Variants in PCSK2 observed in about 807,000 individuals in gnomAD.
PCSK2 encodes neuroendocrine convertase 2.
Under a neutral mutation model 69.7 loss-of-function variants are expected in PCSK2, and 14 were observed. That is an observed-to-expected ratio of 0.20 (90% CI 0.13 to 0.31). The LOEUF is 0.31. Ranked by LOEUF, PCSK2 falls within the 10% of genes least tolerant of loss-of-function variation. The probability of loss-of-function intolerance (pLI) is 1.00; values close to 1 mark genes in which losing one functional copy is unlikely to be tolerated. For synonymous variants in PCSK2, 307 were observed against 320.7 expected (o/e 0.96, Z 0.46); for missense variants, 544 against 842.5 (o/e 0.65, Z 4.39).
At chr20:17,304,947 A>G (rs1008495978) in intron 2 of PCSK2, among the ~76,000 whole-genome samples, 1 of 152,150 alleles carries the variant, frequency 6.6e-6, no homozygotes, top group African/African-American at 2.4e-5. Flanking sequence ...TGCTACGGTT[A>G]AGCCCACCTC....
rs41276382 is a variant in PCSK2, at chr20:17,436,910, G to T, written c.885+27G>T. On this transcript the variant is annotated intron_variant, in intron 8 of 11. Transcript: ENST00000262545. The stretch of plus-strand genomic sequence containing the variant: ...TAAGGGGGCCGGCCCCCTAGGCCCC[G>T]GCCACTCACAAGTTGGGACAAAGTG... 3.8e-6 allele frequency: 6 copies of T among 1,565,278 alleles called. No homozygotes were observed. In the African/African-American group the frequency reaches 6.8e-5, roughly 18 times the overall value.
chr20:17,442,804 T>G (rs1320637712), intron 8 of PCSK2, among the ~76,000 whole-genome samples: 1 of 152,188 alleles, frequency 6.6e-6, no homozygotes, highest in Non-Finnish European at 1.5e-5. Flanking sequence ...GGGAGCTGGT[T>G]GTTAAACATT....
At position 17,430,226 on chromosome 20, in the gene PCSK2, G is replaced by C. The variant is rs74607240; in HGVS notation, c.709+703G>C. 2.8e-4 allele frequency among the ~76,000 whole-genome samples: 43 copies of C among 152,264 alleles called. No individual in the cohort carries two copies. In the South Asian group the frequency reaches 2.9e-3, roughly 10 times the overall value. ...CCCTCCCCTCTCAGAAAAAAAAAGA[G>C]AGAGAGACACAGACAGAGACAGAGA... On this transcript the variant is annotated intron_variant, in intron 7 of 11. Transcript: ENST00000262545.
chr20:17,382,221 T>G (rs572657997), intron 5 of PCSK2, among the ~76,000 whole-genome samples: 1 of 152,226 alleles, frequency 6.6e-6, no homozygotes, highest in African/African-American at 2.4e-5. Context: ...TTCTGTGGAA[T>G]AGCAGGAGTG....
chr20:17,273,068 G>A (rs1473403248), intron 2 of PCSK2, among the ~76,000 whole-genome samples: 1 of 151,994 alleles, frequency 6.6e-6, no homozygotes, highest in Non-Finnish European at 1.5e-5. Flanking sequence ...AAAATCAATG[G>A]GTAATTGTTA....
intron 5 of PCSK2, among the ~76,000 whole-genome samples, chr20:17,405,468 C>T (rs574694223): frequency 6.6e-6 from 1 of 152,322 alleles, no homozygotes; most frequent in Admixed American, 6.5e-5. Context: ...GAGCTCTCAC[C>T]TCTCTCATCA....
chr20:17,381,572 C>T (rs1238781012), intron 5 of PCSK2, among the ~76,000 whole-genome samples: 1 of 152,142 alleles, frequency 6.6e-6, no homozygotes, highest in African/African-American at 2.4e-5. Flanking sequence ...CCCTCAGTTT[C>T]CCCATCTATA....
chr20:17,349,078 A>C (rs960037937), intron 2 of PCSK2, among the ~76,000 whole-genome samples: 1 of 152,210 alleles, frequency 6.6e-6, no homozygotes, highest in Non-Finnish European at 1.5e-5. Context: ...GGCACTGCCC[A>C]GCGCAACAGT....
chr20:17,237,264 T>A (rs1209814012), intron 1 of PCSK2, among the ~76,000 whole-genome samples: 1 of 152,120 alleles, frequency 6.6e-6, no homozygotes, highest in South Asian at 2.1e-4. Context: ...ATGAAGTTCA[T>A]GGAAGTGAAT....
chr20:17,366,370 T>C (rs542799862), intron 4 of PCSK2, among the ~76,000 whole-genome samples: 103 of 152,324 alleles, frequency 6.8e-4, no homozygotes, highest in African/African-American at 2.3e-3. Flanking sequence ...GTGCCACATT[T>C]ATTATGATTG....
intron 10 of PCSK2, chr20:17,464,823 G>C (rs2033072416): frequency 5.8e-6 from 1 of 172,796 alleles, no homozygotes; most frequent in Non-Finnish European, 1.3e-5. Context: ...GGCATGTAGG[G>C]GTTTCACAGT....
chr20:17,282,527 T>C (rs1350084922), intron 2 of PCSK2, among the ~76,000 whole-genome samples: 1 of 152,180 alleles, frequency 6.6e-6, no homozygotes, highest in Non-Finnish European at 1.5e-5. Context: ...AAGCTCCCCA[T>C]TGTCACGTCA....
At chr20:17,282,015 A>G (rs1988334708) in intron 2 of PCSK2, among the ~76,000 whole-genome samples, 1 of 151,942 alleles carries the variant, frequency 6.6e-6, no homozygotes, top group African/African-American at 2.4e-5. Flanking sequence ...ACAATCCATA[A>G]CAGTTCTCTC....
intron 1 of PCSK2, among the ~76,000 whole-genome samples, chr20:17,250,281 GCT>G (rs1362723160): frequency 3.3e-5 from 5 of 152,152 alleles, no homozygotes; most frequent in Non-Finnish European, 7.4e-5. Flanking sequence ...AAGTTCTGCA[GCT>G]CTTTTTTGTC....
At chr20:17,352,745 T>G (rs753742686) in intron 2 of PCSK2, among the ~76,000 whole-genome samples, 4 of 152,096 alleles carry the variant, frequency 2.6e-5, no homozygotes, top group Non-Finnish European at 5.9e-5. Flanking sequence ...CAATAAAAAC[T>G]CTAGAAGAAA....
rs1568612163 is a variant in PCSK2 at position 17,347,861 on chromosome 20, AG to A, written c.283-10464del. Among the ~76,000 whole-genome samples the A allele has an allele frequency of 5.1e-4, 48 of 94,438 alleles. 3 individuals are homozygous for A. Among genetic ancestry groups the A allele is most frequent in the East Asian group, 2.9e-3 (8 of 2,754 alleles). 62.0% of individuals were successfully genotyped at this position (94,438 alleles called of 152,430 possible). On this transcript the variant is annotated intron_variant, in intron 2 of 11. Transcript: ENST00000262545. Reference sequence around the variant, plus strand: ...GAAAGAAAGAAAGAAAGAAAGAAAGAGGAGAGAGAAAAAAGAAAGAAAGAAA... The same window carrying A: ...GAAAGAAAGAAAGAAAGAAAGAAAGAGAGAGAGAAAAAAGAAAGAAAGAAA...
chr20:17,454,068 G>C, intron 9 of PCSK2, 111 bp downstream of exon 9: 1 of 1,440,536 alleles, frequency 6.9e-7, no homozygotes, highest in Admixed American at 2.1e-5. Flanking sequence ...CTCAGAGCCT[G>C]AACTAAGGCT....
At chr20:17,476,806 T>C (rs1352432101) in intron 11 of PCSK2, among the ~76,000 whole-genome samples, 2 of 152,240 alleles carry the variant, frequency 1.3e-5, no homozygotes, top group African/African-American at 2.4e-5. Flanking sequence ...GATCTTGTTC[T>C]GAATAAATAG....
At chr20:17,305,085 G>C (rs1313304730) in intron 2 of PCSK2, among the ~76,000 whole-genome samples, 1 of 152,128 alleles carries the variant, frequency 6.6e-6, no homozygotes, top group East Asian at 1.9e-4. Flanking sequence ...TACGTTCTAA[G>C]AGGGAGTTCA....
Sources: gnomAD v4.1 joint callset for allele counts (sites outside exome capture counted in the v4.1 genomes callset) on GRCh38, gnomAD v4.1.1 for gene constraint, MANE v1.5 for transcripts, NCBI Gene and HGNC (gene_info 2026-07-23, HGNC 2026-07-21) for gene names.